Variants in NREP observed in about 807,000 individuals in gnomAD.
NREP encodes neuronal regeneration related protein, also known as neuronal regeneration-related protein.
NREP carries 5 observed loss-of-function variants against 8.6 expected under a neutral mutation model. The ratio of observed to expected loss-of-function variants is 0.58; its 90% confidence interval spans 0.30 to 1.22. The LOEUF (loss-of-function observed/expected upper bound fraction) is 1.22. Among genes scored for constraint, NREP ranks in the 50% most tolerant of loss-of-function variants. The pLI is 0.07. For synonymous variants in NREP, 27 were observed against 28.0 expected (o/e 0.96, Z 0.11); for missense variants, 86 against 82.5 (o/e 1.04, Z -0.17).
intron 2 of NREP, among the ~76,000 whole-genome samples, chr5:111,898,173 C>A (rs549314110): frequency 6.6e-6 from 1 of 152,174 alleles, no homozygotes; most frequent in South Asian, 2.1e-4. Flanking sequence ...AATTTAAAGG[C>A]TCAATCTGGC....
At chr5:111,764,612 G>A (rs1004309582) in intron 2 of NREP, among the ~76,000 whole-genome samples, 13 of 152,118 alleles carry the variant, frequency 8.5e-5, no homozygotes, top group South Asian at 4.2e-4. Context: ...CCCACAACAC[G>A]TGGGAATTCA....
intron 2 of NREP, among the ~76,000 whole-genome samples, chr5:111,814,579 C>T (rs921044936): frequency 3.3e-5 from 5 of 152,088 alleles, no homozygotes; most frequent in African/African-American, 9.7e-5. Context: ...TTAATTGATT[C>T]GTCCAATGAG....
At chr5:111,893,341 G>T (rs1754436811) in intron 2 of NREP, among the ~76,000 whole-genome samples, 1 of 152,064 alleles carries the variant, frequency 6.6e-6, no homozygotes, top group South Asian at 2.1e-4. Context: ...ATAATTGAGG[G>T]CTTTTAAGAA....
In NREP at chr5:111,915,839, C is replaced by T. The variant is rs187052018; in HGVS notation, c.135+59435G>A. 1.0e-3 allele frequency among the ~76,000 whole-genome samples: 153 copies of T among 152,212 alleles called. 2 individuals carry two copies. Among genetic ancestry groups the T allele is most frequent in the African/African-American group, 2.1e-3 (89 of 41,546 alleles). On this transcript the variant is annotated intron_variant, in intron 2 of 3. Coordinates refer to the NREP transcript ENST00000395634. Reference sequence around the variant, plus strand: ...GCAGCAATGAACTAAATTGATTTCACGGCCTGTTCATTGGTTATAACCAGT... The same window carrying T: ...GCAGCAATGAACTAAATTGATTTCATGGCCTGTTCATTGGTTATAACCAGT...
At chr5:111,775,166 C>T (rs149923519) in intron 2 of NREP, among the ~76,000 whole-genome samples, 6 of 152,122 alleles carry the variant, frequency 3.9e-5, no homozygotes, top group Admixed American at 6.5e-5. Flanking sequence ...GCTGGGAGTA[C>T]GGATGCACGC....
chr5:111,905,846 G>C (rs1187460982), intron 2 of NREP, among the ~76,000 whole-genome samples: 3 of 151,980 alleles, frequency 2.0e-5, no homozygotes, highest in Non-Finnish European at 2.9e-5. Flanking sequence ...AAATACATCT[G>C]ACCCATTCCT....
At chr5:111,818,535 C>A (rs957365504) in intron 2 of NREP, among the ~76,000 whole-genome samples, 3 of 152,088 alleles carry the variant, frequency 2.0e-5, no homozygotes, top group African/African-American at 7.2e-5. Flanking sequence ...GAGATTAAGG[C>A]TATGATTTGC....
intron 2 of NREP, among the ~76,000 whole-genome samples, chr5:111,853,854 T>C (rs188156043): frequency 1.3e-5 from 2 of 152,304 alleles, no homozygotes; most frequent in East Asian, 3.9e-4. Context: ...ATCTGAGGTC[T>C]GAACTGCACA....
At chr5:111,839,664 C>T (rs555099133) in intron 2 of NREP, among the ~76,000 whole-genome samples, 5 of 152,022 alleles carry the variant, frequency 3.3e-5, no homozygotes, top group African/African-American at 7.2e-5. Flanking sequence ...AGAACAACCA[C>T]GTTAGTTCAA....
At chr5:111,756,274 G>A (rs1354495982) in intron 1 of NREP, 36 of 763,708 alleles carry the variant, frequency 4.7e-5, no homozygotes, top group South Asian at 6.2e-5. Context: ...AAATGGCACT[G>A]CATTACATAA....
intron 2 of NREP, among the ~76,000 whole-genome samples, chr5:111,749,181 C>T (rs755511800): frequency 7.9e-5 from 12 of 152,050 alleles, no homozygotes; most frequent in South Asian, 4.2e-4. Context: ...TCTGTCAAGC[C>T]GCAGAAATAA....
At chr5:111,818,595 A>G (rs1008740094) in intron 2 of NREP, among the ~76,000 whole-genome samples, 4 of 152,336 alleles carry the variant, frequency 2.6e-5, no homozygotes, top group South Asian at 4.1e-4. Flanking sequence ...GATATATTGC[A>G]TGACTCTGAA....
chr5:111,733,881 G>A (rs1748852612), intron 3 of NREP: 1 of 152,142 alleles, frequency 6.6e-6, no homozygotes, highest in African/African-American at 2.4e-5. Flanking sequence ...TTAATAATGT[G>A]CTTTGGACCA....
At chr5:111,739,296 T>A (rs961658070) in intron 2 of NREP, 2 of 152,202 alleles carry the variant, frequency 1.3e-5, no homozygotes, top group African/African-American at 4.8e-5. Flanking sequence ...GCTGTCAGAA[T>A]CAGCCAAGGA....
chr5:111,757,463 G>A (rs1750798831), upstream of NREP: 2 of 985,088 alleles, frequency 2.0e-6, no homozygotes, highest in Non-Finnish European at 1.2e-6. Flanking sequence ...TCCCGCTAGG[G>A]TGCTAGTGAA....
intron 2 of NREP, among the ~76,000 whole-genome samples, chr5:111,940,752 T>C (rs1267533276): frequency 6.6e-6 from 1 of 152,026 alleles, no homozygotes; most frequent in East Asian, 1.9e-4. Context: ...AAGGCCACTC[T>C]CACTTCTGGT....
chr5:111,767,473 A>G (rs982383202), intron 2 of NREP, among the ~76,000 whole-genome samples: 7 of 151,996 alleles, frequency 4.6e-5, no homozygotes, highest in African/African-American at 1.7e-4. Context: ...AGCATCATAA[A>G]CTCAGCTAAT....
chr5:111,880,112 T>C (rs964036107), intron 2 of NREP, among the ~76,000 whole-genome samples: 2 of 152,182 alleles, frequency 1.3e-5, no homozygotes, highest in African/African-American at 4.8e-5. Flanking sequence ...CCAGGGTGCA[T>C]AGGTTTGAAT....
chr5:111,904,539 C>A (rs1476170069), intron 2 of NREP, among the ~76,000 whole-genome samples: 1 of 152,078 alleles, frequency 6.6e-6, no homozygotes, highest in African/African-American at 2.4e-5. Context: ...TTTTCTCTCA[C>A]TAAGCAATAT....
Sources: allele counts gnomAD v4.1 joint callset (sites outside exome capture counted in the v4.1 genomes callset), GRCh38; gene constraint gnomAD v4.1.1; transcripts MANE v1.5; gene names NCBI Gene and HGNC (gene_info 2026-07-23, HGNC 2026-07-21).